KLHL1: variants seen among roughly 807,000 people sequenced by gnomAD.
The protein encoded by KLHL1 is kelch like family member 1.
In KLHL1, 47 loss-of-function variants were observed where a neutral mutation model predicts 77.7. The observed-to-expected ratio is 0.60, with a 90% confidence interval of 0.48 to 0.77. The LOEUF (loss-of-function observed/expected upper bound fraction) is 0.77. Among genes scored for constraint, KLHL1 ranks in the 30% least tolerant of loss-of-function variants. KLHL1 has a pLI of 0.00. For synonymous variants in KLHL1, 360 were observed against 325.2 expected (o/e 1.11, Z -1.15); for missense variants, 925 against 910.8 (o/e 1.02, Z -0.20).
At chr13:69,872,306 C>T (rs756716526) in intron 5 of KLHL1, among the ~76,000 whole-genome samples, 1 of 152,108 alleles carries the variant, frequency 6.6e-6, no homozygotes, top group Non-Finnish European at 1.5e-5. Flanking sequence ...GAGCAATCGG[C>T]CTGTTTTACA....
intron 3 of KLHL1, among the ~76,000 whole-genome samples, chr13:69,946,208 G>T (rs1401512581): frequency 6.6e-6 from 1 of 152,072 alleles, no homozygotes; most frequent in East Asian, 1.9e-4. Context: ...AAGATAGATT[G>T]CAAAAGGACA....
In KLHL1 at chr13:69,839,076, T is replaced by C. The variant is rs1879140767; in HGVS notation, c.1314A>G (p.Leu438=). ...KLILEAMKYH[L]LPERRTLMQS... ...GCATTAAAGTTCTTCTTTCTGGCAA[T>C]AGATGGTATTTCATTGCTTCTAGAA... Residue 438 remains leucine, a synonymous_variant, in exon 6 of 11, where the codon CTA becomes CTG. Transcript: ENST00000377844. The C allele has an allele frequency of 6.2e-7, 1 of 1,610,820 alleles. No individual in the cohort carries two copies. The highest frequency in any genetic ancestry group is 8.5e-7 in the Non-Finnish European group (1 of 1,178,052).
At chr13:69,828,093 A>G (rs1484935356) in intron 6 of KLHL1, among the ~76,000 whole-genome samples, 2 of 150,342 alleles carry the variant, frequency 1.3e-5, no homozygotes, top group African/African-American at 5.0e-5. Flanking sequence ...TCACATAATG[A>G]ATTTTTGCTT....
chr13:69,874,053 G>C (rs946882560), intron 5 of KLHL1, among the ~76,000 whole-genome samples: 1 of 152,086 alleles, frequency 6.6e-6, no homozygotes. Context: ...GGGGTGGAGT[G>C]GGGCAGTTCA....
chr13:69,787,079 A>G (rs1593831702), intron 7 of KLHL1, among the ~76,000 whole-genome samples: 1 of 152,208 alleles, frequency 6.6e-6, no homozygotes, highest in East Asian at 1.9e-4. Flanking sequence ...AAATGGCCAT[A>G]CTGCCCAAGG....
intron 5 of KLHL1, among the ~76,000 whole-genome samples, chr13:69,851,876 T>C (rs984107139): frequency 2.6e-5 from 4 of 151,862 alleles, no homozygotes; most frequent in African/African-American, 9.7e-5. Flanking sequence ...TACCTACTAG[T>C]AGTCAGATAG....
At position 69,882,525 on chromosome 13, in the gene KLHL1, T is replaced by G. The variant is rs1881040853; in HGVS notation, c.1015-30A>C. The G allele has an allele frequency of 2.7e-6, 4 of 1,497,808 alleles. No individual in the cohort carries two copies. In the East Asian group the frequency reaches 9.0e-5, roughly 34 times the overall value. The allele number at this position is 1,497,808 out of a possible 1,614,324, so 92.8% of individuals were successfully genotyped here. A position where few individuals can be genotyped will look rare whatever the true frequency, so the allele number is the denominator to read the frequency against. ...AGGGAGAAAATATCTTGGCATAAAT[T>G]CTGTTTCACTTTTATTTAGCTAGTA... On this transcript the variant is annotated intron_variant, in intron 4 of 10. Transcript: ENST00000377844.
chr13:69,966,179 T>C (rs924818497), intron 2 of KLHL1, among the ~76,000 whole-genome samples: 2 of 152,168 alleles, frequency 1.3e-5, no homozygotes, highest in Non-Finnish European at 2.9e-5. Flanking sequence ...GAAGATGTCA[T>C]CTAGGATTTT....
intron 7 of KLHL1, among the ~76,000 whole-genome samples, chr13:69,755,254 G>A (rs144339243): frequency 2.6e-5 from 4 of 151,784 alleles, no homozygotes; most frequent in African/African-American, 9.7e-5. Context: ...CTCTTGCCAC[G>A]TGATACACCA....
intron 1 of KLHL1, among the ~76,000 whole-genome samples, chr13:70,084,510 G>A (rs1224679836): frequency 1.6e-5 from 2 of 128,150 alleles, no homozygotes; most frequent in Non-Finnish European, 3.1e-5. Flanking sequence ...CCAGGCTGGA[G>A]TGCAGTGGCG....
chr13:69,847,704 A>G (rs967866234), intron 5 of KLHL1, among the ~76,000 whole-genome samples: 6 of 151,526 alleles, frequency 4.0e-5, no homozygotes, highest in African/African-American at 1.5e-4. Flanking sequence ...ATTTCATAAT[A>G]TCTCAAAATT....
chr13:69,847,616 A>G (rs1039416605), intron 5 of KLHL1, among the ~76,000 whole-genome samples: 3 of 151,634 alleles, frequency 2.0e-5, no homozygotes, highest in South Asian at 2.1e-4. Flanking sequence ...TCCTTGGGCT[A>G]TATTATGAAA....
intron 4 of KLHL1, among the ~76,000 whole-genome samples, chr13:69,905,569 T>C (rs1379511362): frequency 6.6e-6 from 1 of 152,186 alleles, no homozygotes; most frequent in South Asian, 2.1e-4. Flanking sequence ...ATCTAGCCTA[T>C]TGAGAAAGCC....
intron 1 of KLHL1, among the ~76,000 whole-genome samples, chr13:70,036,463 A>T (rs1306918922): frequency 6.6e-6 from 1 of 151,930 alleles, no homozygotes; most frequent in Non-Finnish European, 1.5e-5. Context: ...GTTTTGTAAC[A>T]ATTAGTTTTC....
intron 8 of KLHL1, among the ~76,000 whole-genome samples, chr13:69,735,095 AGAGT>A (rs1448829489): frequency 6.6e-6 from 1 of 152,086 alleles, no homozygotes; most frequent in African/African-American, 2.4e-5. Context: ...ATTTATAGTT[AGAGT>A]ATTTATGCAA....
intron 9 of KLHL1, among the ~76,000 whole-genome samples, chr13:69,712,329 A>C (rs1875914139): frequency 6.6e-6 from 1 of 151,808 alleles, no homozygotes; most frequent in Admixed American, 6.6e-5. Context: ...GGTAATATTT[A>C]AATCTAAAAT....
intron 5 of KLHL1, 31 bp from the exon 6 acceptor site, chr13:69,839,193 T>A: frequency 3.5e-6 from 5 of 1,436,690 alleles, no homozygotes; most frequent in Non-Finnish European, 4.7e-6. Flanking sequence ...CTGTTAATAA[T>A]GTTTTCAAAG....
intron 8 of KLHL1, among the ~76,000 whole-genome samples, chr13:69,735,201 A>G (rs1170340635): frequency 6.6e-6 from 1 of 151,864 alleles, no homozygotes; most frequent in African/African-American, 2.4e-5. Flanking sequence ...AATTTCCACT[A>G]TGGAAGCTAC....
intron 1 of KLHL1, among the ~76,000 whole-genome samples, chr13:70,085,713 A>C (rs1258710063): frequency 6.6e-6 from 1 of 152,060 alleles, no homozygotes; most frequent in Non-Finnish European, 1.5e-5. Context: ...AAACTACAAA[A>C]ATTAGCTGGG....
Sources: allele counts gnomAD v4.1 joint callset (sites outside exome capture counted in the v4.1 genomes callset), GRCh38; gene constraint gnomAD v4.1.1; transcripts MANE v1.5; gene names NCBI Gene and HGNC (gene_info 2026-07-23, HGNC 2026-07-21).